The following DGKH variants were observed in gnomAD, a reference collection of about 807,000 sequenced individuals.
DGKH encodes DAG kinase eta.
In DGKH, 90 loss-of-function variants were observed where a neutral mutation model predicts 159.3. That is an observed-to-expected ratio of 0.57 (90% CI 0.48 to 0.67). The LOEUF (loss-of-function observed/expected upper bound fraction) is 0.67. Ranked by LOEUF, DGKH falls within the 30% of genes least tolerant of loss-of-function variation. The pLI is 0.00. For missense variants in DGKH, 1,181 were observed against 1,506.1 expected (o/e 0.78, Z 3.57); for synonymous variants, 536 against 553.8 (o/e 0.97, Z 0.45).
intron 1 of DGKH, among the ~76,000 whole-genome samples, chr13:42,100,029 C>A (rs1257760744): frequency 6.6e-6 from 1 of 152,192 alleles, no homozygotes; most frequent in African/African-American, 2.4e-5. Flanking sequence ...CCTGGGCCAC[C>A]AGTCCGTGGC....
intron 29 of DGKH, among the ~76,000 whole-genome samples, chr13:42,224,207 A>G (rs1229621208): frequency 2.6e-5 from 4 of 152,020 alleles, no homozygotes; most frequent in Non-Finnish European, 5.9e-5. Context: ...TCCAAAAGCA[A>G]CTCTTGAGCT....
chr13:42,166,069 A>G (rs1393722645), intron 8 of DGKH, among the ~76,000 whole-genome samples: 2 of 152,124 alleles, frequency 1.3e-5, no homozygotes, highest in Non-Finnish European at 2.9e-5. Context: ...GGAGGACTGT[A>G]CTATTATTAA....
chr13:42,048,852 T>C lies in DGKH; in HGVS notation c.79T>C (p.Ser27Pro), dbSNP rs1593946232. 1 of 1,366,478 alleles carries C rather than the reference T, an allele frequency of 7.3e-7. No individual in the cohort carries two copies. 84.6% of individuals were successfully genotyped at this position (1,366,478 alleles called of 1,614,324 possible). A position where few individuals can be genotyped will look rare whatever the true frequency, so the allele number is the denominator to read the frequency against. Residue 27 changes from serine to proline, a missense_variant, in exon 1 of 30, where the codon TCC becomes CCC. By Grantham distance (74) the Ser-to-Pro change is moderately conservative (BLOSUM62 -1). Transcript: ENST00000337343. The surrounding 1 kb of genome is among the most constrained non-coding windows in gnomAD (Gnocchi z 6.7). ...AAAGAGAAVT[S>P]AAASAGPGED... Reference sequence around the variant, plus strand: ...CGCCGGAGCCGGCGCCGCGGTCACCTCCGCCGCTGCCTCGGCGGGGCCGGG... The same window carrying C: ...CGCCGGAGCCGGCGCCGCGGTCACCCCCGCCGCTGCCTCGGCGGGGCCGGG...
chr13:42,195,586 T>C (rs1957187032), intron 17 of DGKH, among the ~76,000 whole-genome samples: 1 of 152,226 alleles, frequency 6.6e-6, no homozygotes, highest in South Asian at 2.1e-4. Context: ...TCCAGGAATC[T>C]GCATTTACTA....
At chr13:42,080,900 C>T (rs1287044251) in intron 1 of DGKH, among the ~76,000 whole-genome samples, 1 of 152,036 alleles carries the variant, frequency 6.6e-6, no homozygotes, top group East Asian at 1.9e-4. Flanking sequence ...TAGTTTAGAA[C>T]TATGAATCTA....
At chr13:42,042,056 A>G (rs1390150532) in intron 1 of DGKH, among the ~76,000 whole-genome samples, 2 of 152,208 alleles carry the variant, frequency 1.3e-5, no homozygotes, top group African/African-American at 4.8e-5. Context: ...ACCTTTCAGA[A>G]GCGTCCTTCG....
At chr13:42,092,667 G>A (rs1954443301) in intron 1 of DGKH, among the ~76,000 whole-genome samples, 1 of 152,058 alleles carries the variant, frequency 6.6e-6, no homozygotes, top group African/African-American at 2.4e-5. Context: ...GAAGGAGTAA[G>A]TTGTAGTGTC....
At chr13:42,256,276 T>C in intron 30 of DGKH, 1 of 1,591,806 alleles carries the variant, frequency 6.3e-7, no homozygotes, top group Non-Finnish European at 8.6e-7. Context: ...TGCTGGCGGA[T>C]GCTTCAGTTT....
chr13:42,097,980 A>C (rs188071604), intron 1 of DGKH, among the ~76,000 whole-genome samples: 1 of 152,124 alleles, frequency 6.6e-6, no homozygotes, highest in Non-Finnish European at 1.5e-5. Flanking sequence ...TGCTAAGTCA[A>C]TTCTCAGCCA....
intron 1 of DGKH, among the ~76,000 whole-genome samples, chr13:42,093,053 G>A (rs1954450889): frequency 6.6e-6 from 1 of 152,082 alleles, no homozygotes; most frequent in South Asian, 2.1e-4. Flanking sequence ...AGACCAGCCA[G>A]GGCAACATGG....
At chr13:42,156,479 A>G (rs1354450926) in intron 5 of DGKH, among the ~76,000 whole-genome samples, 3 of 152,088 alleles carry the variant, frequency 2.0e-5, no homozygotes, top group African/African-American at 7.2e-5. Flanking sequence ...GGGCTCAAGC[A>G]ATCCTCCCAC....
At chr13:42,114,015 C>T (rs939857635) in intron 1 of DGKH, among the ~76,000 whole-genome samples, 9 of 152,130 alleles carry the variant, frequency 5.9e-5, no homozygotes, top group Non-Finnish European at 1.0e-4. Context: ...CTTTTAATTT[C>T]ACTCTCTACA....
chr13:42,206,178 C>A, intron 21 of DGKH, 32 bp downstream of exon 21: 2 of 1,308,706 alleles, frequency 1.5e-6, no homozygotes, highest in South Asian at 2.2e-5. Context: ...TTTGTTTCCT[C>A]AAAAATAATT....
intron 11 of DGKH, among the ~76,000 whole-genome samples, chr13:42,171,748 A>G (rs1473957118): frequency 2.4e-4 from 37 of 151,754 alleles, no homozygotes; most frequent in Admixed American, 2.4e-3. Flanking sequence ...GTGTTTCCAG[A>G]CCCTGTGACT....
chr13:42,127,923 TGAGA>T (rs138019647), intron 2 of DGKH, among the ~76,000 whole-genome samples: 7 of 148,314 alleles, frequency 4.7e-5, no homozygotes, highest in Admixed American at 6.7e-5. Flanking sequence ...TCCCTGACCA[TGAGA>T]GAGAGAGAGA....
intron 1 of DGKH, among the ~76,000 whole-genome samples, chr13:42,111,134 AT>A (rs1175238644): frequency 6.6e-6 from 1 of 152,164 alleles, no homozygotes; most frequent in East Asian, 1.9e-4. Context: ...AGACAGCTTA[AT>A]TTTAGAAATT....
chr13:42,236,987 G>A lies in DGKH; in HGVS notation c.*7799G>A, dbSNP rs937613535. 2 of 152,120 alleles carry A rather than the reference G, an allele frequency of 1.3e-5. No homozygotes were observed. The highest frequency in any genetic ancestry group is 4.8e-5 in the African/African-American group (2 of 41,434). 9.4% of individuals were successfully genotyped at this position (152,120 alleles called of 1,614,324 possible). A position where few individuals can be genotyped will look rare whatever the true frequency, so the allele number is the denominator to read the frequency against. ...TCCAGGGTGGATATTTTTAACATAT[G>A]TTTGCATTTGGTTCTGGGATAGTAA... is the stretch of plus-strand genomic sequence containing the variant. On this transcript the variant is annotated 3_prime_UTR_variant, in exon 30 of 30. Transcript: ENST00000337343.
At position 42,148,533 on chromosome 13, in the gene DGKH, T is replaced by C. The variant is rs564562757; in HGVS notation, c.385-6758T>C. 6.6e-5 allele frequency among the ~76,000 whole-genome samples: 10 copies of C among 152,216 alleles called. No individual in the cohort carries two copies. In the East Asian group the frequency reaches 1.9e-3, roughly 29 times the overall value. On this transcript the variant is annotated intron_variant, in intron 3 of 29. Coordinates refer to ENST00000337343, the MANE Select transcript of DGKH (RefSeq NM_178009.5). ...ATGCCCTGCCATGCCTTTCCTGCCA[T>C]TTAATAAGAGTCTCCCACCACGGCT...
At chr13:42,162,935 A>C (rs78760678) in intron 7 of DGKH, among the ~76,000 whole-genome samples, 5,583 of 151,338 alleles carry the variant, frequency 0.037, 210 homozygotes, top group East Asian at 0.14. Flanking sequence ...ATAGGTATAC[A>C]TGTGCCATGC....
Sources: allele counts gnomAD v4.1 joint callset (sites outside exome capture counted in the v4.1 genomes callset), GRCh38; gene constraint gnomAD v4.1.1; non-coding constraint Gnocchi (gnomAD v3.1); transcripts MANE v1.5; gene names NCBI Gene and HGNC (gene_info 2026-07-23, HGNC 2026-07-21).